The following RABEP1 variants were observed in gnomAD, a reference collection of about 807,000 sequenced individuals.
RABEP1 encodes rab GTPase-binding effector protein 1.
A neutral mutation model predicts 123.4 loss-of-function variants in RABEP1; 51 were observed. The ratio of observed to expected loss-of-function variants is 0.41; its 90% CI spans 0.33 to 0.52. The LOEUF (loss-of-function observed/expected upper bound fraction) is 0.52, where lower values mean the gene tolerates loss of function less well. Among genes scored for constraint, RABEP1 ranks in the 20% least tolerant of loss-of-function variants. The pLI is 0.16. For missense variants in RABEP1, 888 were observed against 996.3 expected, an observed-to-expected ratio of 0.89 and a Z score of 1.46; for synonymous variants, 347 against 355.2, an observed-to-expected ratio of 0.98 and a Z score of 0.26.
intron 11 of RABEP1, among the ~76,000 whole-genome samples, chr17:5,365,868 G>T (rs755778404): frequency 3.9e-5 from 6 of 152,202 alleles, no homozygotes; most frequent in Non-Finnish European, 8.8e-5. Context: ...CATTTTCATT[G>T]TTGAATAGTC....
chr17:5,374,786 G>A (rs909192945), intron 13 of RABEP1, among the ~76,000 whole-genome samples: 17 of 152,128 alleles, frequency 1.1e-4, no homozygotes, highest in Non-Finnish European at 1.9e-4. Context: ...CAACAGGCGC[G>A]TGCCACTGTG....
At chr17:5,305,998 A>G (rs938112801) in intron 1 of RABEP1, among the ~76,000 whole-genome samples, 1 of 152,166 alleles carries the variant, frequency 6.6e-6, no homozygotes, top group African/African-American at 2.4e-5. Flanking sequence ...TTGCACTTAC[A>G]CTATTAAATC....
rs1567562267 is a variant in RABEP1, at chr17:5,386,221, A to G, written c.*2998A>G. The G allele has an allele frequency of 1.2e-6, 2 of 1,613,244 alleles. No individual in the cohort carries two copies. The highest frequency in any genetic ancestry group is 1.1e-5 in the South Asian group (1 of 90,926). On this transcript the variant is annotated 3_prime_UTR_variant, in exon 18 of 18. Transcript: ENST00000537505. The stretch of plus-strand genomic sequence containing the variant: ...CCTGGTGGTGTCAGAAGTTTACATG[A>G]TTGCGGATATCATTGATTTGCTTCA...
At chr17:5,284,418 T>C (rs1293278929) in intron 1 of RABEP1, among the ~76,000 whole-genome samples, 1 of 152,130 alleles carries the variant, frequency 6.6e-6, no homozygotes, top group Non-Finnish European at 1.5e-5. Flanking sequence ...ATTTGGTACG[T>C]TTGAGTGCCT....
At chr17:5,341,893 TA>T in intron 5 of RABEP1, among the ~76,000 whole-genome samples, 1 of 152,246 alleles carries the variant, frequency 6.6e-6, no homozygotes, top group Non-Finnish European at 1.5e-5. Flanking sequence ...AGTAAAGGGC[TA>T]TTTATCAAAC....
intron 1 of RABEP1, among the ~76,000 whole-genome samples, chr17:5,289,857 C>T (rs1219354681): frequency 6.6e-6 from 1 of 152,180 alleles, no homozygotes; most frequent in Non-Finnish European, 1.5e-5. Flanking sequence ...AAAAGCCCTG[C>T]ACTTATCCAC....
intron 15 of RABEP1, 60 bp downstream of exon 15, chr17:5,378,292 C>A: frequency 7.2e-7 from 1 of 1,395,112 alleles, no homozygotes; most frequent in Non-Finnish European, 1.0e-6. Flanking sequence ...CTGACTCCTA[C>A]TATGCTGCAC....
intron 17 of RABEP1, chr17:5,381,741 C>G (rs1386940514): frequency 2.1e-6 from 1 of 474,176 alleles, no homozygotes; most frequent in Admixed American, 3.8e-5. Context: ...GAGTAAAGTA[C>G]TGACTCCTTA....
intron 12 of RABEP1, among the ~76,000 whole-genome samples, chr17:5,372,079 C>A (rs1027492955): frequency 1.3e-5 from 2 of 151,912 alleles, no homozygotes; most frequent in Non-Finnish European, 2.9e-5. Context: ...TATATTGATA[C>A]AAATAATATG....
intron 11 of RABEP1, among the ~76,000 whole-genome samples, chr17:5,367,245 T>TACACACACACACAC (rs145302611): frequency 1.4e-5 from 2 of 147,666 alleles, no homozygotes; most frequent in African/African-American, 5.0e-5. Flanking sequence ...AGAACTTAGA[T>TACACACACACACAC]ACACACACAC....
intron 2 of RABEP1, among the ~76,000 whole-genome samples, chr17:5,325,525 C>T (rs774566177): frequency 1.3e-5 from 2 of 151,824 alleles, no homozygotes; most frequent in Admixed American, 6.6e-5. Context: ...TCAGGGAAAG[C>T]GGGGGTCTGG....
chr17:5,344,661 A>G (rs941182790), intron 5 of RABEP1, among the ~76,000 whole-genome samples: 1 of 149,898 alleles, frequency 6.7e-6, no homozygotes, highest in Non-Finnish European at 1.5e-5. Flanking sequence ...AGTCCCAGCT[A>G]CTTGGGAGGC....
chr17:5,304,346 G>A (rs891187305), intron 1 of RABEP1, among the ~76,000 whole-genome samples: 1 of 152,118 alleles, frequency 6.6e-6, no homozygotes, highest in African/African-American at 2.4e-5. Context: ...TTGGACGGCT[G>A]AGGCGGGTGA....
At chr17:5,325,132 G>A (rs948499920) in intron 2 of RABEP1, among the ~76,000 whole-genome samples, 3 of 151,904 alleles carry the variant, frequency 2.0e-5, no homozygotes, top group Non-Finnish European at 4.4e-5. Flanking sequence ...GGGCAACATG[G>A]TGAAACCCCG....
rs554253675 is a variant in RABEP1, at chr17:5,342,442, A to T, written c.648+4304A>T. On this transcript the variant is annotated intron_variant, in intron 5 of 17. Coordinates refer to ENST00000537505, the MANE Select transcript of RABEP1 (RefSeq NM_004703.6). Reference sequence around the variant, plus strand: ...CACCTGAGGTTAGGAGTTTGAGACCAGCCTGGCCAGCATGGTGAAACCCAG... The same window carrying T: ...CACCTGAGGTTAGGAGTTTGAGACCTGCCTGGCCAGCATGGTGAAACCCAG... Among the ~76,000 whole-genome samples the T allele has an allele frequency of 5.3e-5, 8 of 152,270 alleles. 1 individual carries two copies. In the East Asian group the frequency reaches 1.5e-3, roughly 29 times the overall value.
chr17:5,362,153 G>T (rs1162495369), intron 9 of RABEP1: 1 of 161,890 alleles, frequency 6.2e-6, no homozygotes, highest in African/African-American at 2.4e-5. Flanking sequence ...TAATGAAGTT[G>T]ATTTTCCTCC....
chr17:5,294,386 AAATAAACC>A (rs1355219759), intron 1 of RABEP1, among the ~76,000 whole-genome samples: 1 of 152,150 alleles, frequency 6.6e-6, no homozygotes, highest in African/African-American at 2.4e-5. Context: ...CAACTCAAGA[AAATAAACC>A]AATAAAACAA....
chr17:5,368,138 T>C (rs765934541), intron 11 of RABEP1, among the ~76,000 whole-genome samples: 8 of 152,176 alleles, frequency 5.3e-5, no homozygotes, highest in Admixed American at 2.0e-4. Context: ...CATAGAATGC[T>C]CTTTGTTAAT....
intron 4 of RABEP1, chr17:5,336,676 C>T (rs1237666306): frequency 1.1e-5 from 3 of 277,518 alleles, no homozygotes; most frequent in African/African-American, 7.0e-5. Context: ...TAATAAATAA[C>T]TTGATTTGTG....
Sources: gnomAD v4.1 joint callset for allele counts (sites outside exome capture counted in the v4.1 genomes callset) on GRCh38, gnomAD v4.1.1 for gene constraint, MANE v1.5 for transcripts, NCBI Gene and HGNC (gene_info 2026-07-23, HGNC 2026-07-21) for gene names.